Variants in ABCC4 observed in about 807,000 individuals in gnomAD.
The protein encoded by ABCC4 is ATP-binding cassette sub-family C member 4.
ABCC4 carries 102 observed loss-of-function variants against 168.5 expected under a neutral mutation model. The observed-to-expected ratio is 0.61, with a 90% CI of 0.52 to 0.71. The LOEUF (loss-of-function observed/expected upper bound fraction) is 0.71, where lower values mean the gene tolerates loss of function less well. Ranked by LOEUF, ABCC4 falls within the 30% of genes least tolerant of loss-of-function variation. The pLI is 0.00. For missense variants in ABCC4, 1,402 were observed against 1,605.8 expected, an observed-to-expected ratio of 0.87 and a Z score of 2.17; for synonymous variants, 617 against 590.7, an observed-to-expected ratio of 1.04 and a Z score of -0.65.
chr13:95,221,206 C>T (rs960588890), intron 4 of ABCC4, among the ~76,000 whole-genome samples: 1 of 152,126 alleles, frequency 6.6e-6, no homozygotes, highest in Non-Finnish European at 1.5e-5. Context: ...AGCCACCATG[C>T]CTTGCAAAAA....
chr13:95,249,025 A>G lies in ABCC4; in HGVS notation c.75-1272T>C, dbSNP rs190116037. On this transcript the variant is annotated intron_variant, in intron 1 of 30. Coordinates refer to ENST00000645237, the MANE Select transcript of ABCC4 (RefSeq NM_005845.5). ...CACTGCACTCCAGTCTGGGCAACAG[A>G]GTGAGACTATCTCAAAACAATAAAA... is the stretch of plus-strand genomic sequence containing the variant. Among the ~76,000 whole-genome samples, 447 of 152,306 alleles carry G rather than the reference A, an allele frequency of 2.9e-3. 5 individuals carry two copies. Among genetic ancestry groups the G allele is most frequent in the African/African-American group, 0.01 (433 of 41,542 alleles).
intron 19 of ABCC4, among the ~76,000 whole-genome samples, chr13:95,153,409 G>A (rs2036754242): frequency 6.6e-6 from 1 of 152,146 alleles, no homozygotes; most frequent in South Asian, 2.1e-4. Context: ...TAATGGGGGG[G>A]CGTTAAAACC....
chr13:95,087,156 G>A (rs1022351103), intron 20 of ABCC4, among the ~76,000 whole-genome samples: 2 of 152,102 alleles, frequency 1.3e-5, no homozygotes, highest in Non-Finnish European at 2.9e-5. Flanking sequence ...TACTGATAGG[G>A]TGGCAGAAGA....
At chr13:95,123,246 C>T (rs2035638728) in intron 19 of ABCC4, among the ~76,000 whole-genome samples, 1 of 152,330 alleles carries the variant, frequency 6.6e-6, no homozygotes, top group Non-Finnish European at 1.5e-5. Flanking sequence ...TCCTTTCCTG[C>T]TGCTCACCCA....
chr13:95,054,021 CTTTTTTTTTTTTTT>C lies in ABCC4; in HGVS notation c.3367-851_3367-838del, dbSNP rs55980425. The C allele has an allele frequency of 3.7e-3, 264 of 71,588 alleles. 1 individual carries two copies. Among genetic ancestry groups the C allele is most frequent in the African/African-American group, 0.018 (251 of 13,734 alleles). 4.4% of individuals were successfully genotyped at this position (71,588 alleles called of 1,614,324 possible). On this transcript the variant is annotated intron_variant, in intron 26 of 30. Coordinates refer to ENST00000645237, the MANE Select transcript of ABCC4 (RefSeq NM_005845.5). ...CTCTCCAATGTCAGAATGGGACATC[CTTTTTTTTTTTTTT>C]TTTTTTTTTTTTTTTTTTTTTTTTT...
intron 8 of ABCC4, among the ~76,000 whole-genome samples, chr13:95,201,643 C>G (rs1008487020): frequency 6.6e-6 from 1 of 152,034 alleles, no homozygotes; most frequent in Admixed American, 6.6e-5. Flanking sequence ...GACAAAGTCA[C>G]GTATGGAGAG....
At chr13:95,039,392 A>T (rs2032262313) in intron 29 of ABCC4, among the ~76,000 whole-genome samples, 1 of 152,124 alleles carries the variant, frequency 6.6e-6, no homozygotes, top group Admixed American at 6.6e-5. Context: ...AAATAAAGTG[A>T]CTCTGAATTT....
At chr13:95,272,684 T>C (rs1415773238) in intron 1 of ABCC4, among the ~76,000 whole-genome samples, 2 of 151,952 alleles carry the variant, frequency 1.3e-5, no homozygotes, top group East Asian at 3.9e-4. Flanking sequence ...GGTCAGGAGT[T>C]TGAGACCAGC....
At position 95,234,600 on chromosome 13, in the gene ABCC4, T is replaced by C. The variant is rs11568637; in HGVS notation, c.531+10A>G. On this transcript the variant is annotated intron_variant, in intron 4 of 30. Transcript: ENST00000645237. ...GGTGAGGTACATGTTTAATGCTGAA[T>C]GTCACTTACCTTCCGATAAATCATA... 8.2e-3 allele frequency: 13,232 copies of C among 1,607,928 alleles called. 267 individuals are homozygous for C. Among genetic ancestry groups the C allele is most frequent in the East Asian group, 0.06 (2,673 of 44,796 alleles).
At chr13:95,103,082 C>T (rs1242707440) in intron 20 of ABCC4, among the ~76,000 whole-genome samples, 7 of 151,332 alleles carry the variant, frequency 4.6e-5, no homozygotes, top group African/African-American at 1.7e-4. Context: ...CGGGCCAATA[C>T]GGTGAAACCC....
intron 26 of ABCC4, among the ~76,000 whole-genome samples, chr13:95,057,246 A>AT (rs112402613): frequency 1.8e-3 from 261 of 148,068 alleles, no homozygotes; most frequent in African/African-American, 4.9e-3. Context: ...AGAATTCAGT[A>AT]TTTTTTTTTT....
chr13:95,081,395 T>C (rs2034091189), intron 21 of ABCC4, among the ~76,000 whole-genome samples: 1 of 152,288 alleles, frequency 6.6e-6, no homozygotes, highest in African/African-American at 2.4e-5. Flanking sequence ...TCGAATAACT[T>C]CATTTCATGA....
intron 20 of ABCC4, among the ~76,000 whole-genome samples, chr13:95,110,080 G>A (rs1322428351): frequency 2.0e-5 from 3 of 152,036 alleles, no homozygotes; most frequent in Admixed American, 1.3e-4. Context: ...AGGCCGAGAC[G>A]GGCAGATCAC....
chr13:95,111,941 T>C (rs924232717), intron 20 of ABCC4, among the ~76,000 whole-genome samples: 2 of 152,172 alleles, frequency 1.3e-5, no homozygotes, highest in East Asian at 1.9e-4. Context: ...GCAAACTCAA[T>C]TGGAAACAGT....
chr13:95,111,400 T>A (rs1334685854), intron 20 of ABCC4, among the ~76,000 whole-genome samples: 2 of 152,260 alleles, frequency 1.3e-5, no homozygotes, highest in Admixed American at 1.3e-4. Context: ...ACTGTTCATT[T>A]GTATTCTATA....
intron 9 of ABCC4, among the ~76,000 whole-genome samples, chr13:95,192,422 T>C (rs1230392137): frequency 6.6e-6 from 1 of 152,080 alleles, no homozygotes; most frequent in Non-Finnish European, 1.5e-5. Context: ...CTGTTTACAA[T>C]GCAGCTGTCA....
At chr13:95,259,380 C>CAAAA (rs11462774) in intron 1 of ABCC4, among the ~76,000 whole-genome samples, 1 of 128,306 alleles carries the variant, frequency 7.8e-6, no homozygotes, top group Non-Finnish European at 1.7e-5. Flanking sequence ...AACTCCGTCT[C>CAAAA]AAAAAAAAAA....
chr13:95,122,361 C>T (rs1392140481), intron 19 of ABCC4, among the ~76,000 whole-genome samples: 1 of 152,212 alleles, frequency 6.6e-6, no homozygotes, highest in Non-Finnish European at 1.5e-5. Context: ...CCACGCCTAA[C>T]TTCTCAAACC....
intron 23 of ABCC4, 109 bp from the exon 24 acceptor site, chr13:95,073,413 T>C (rs902734259): frequency 6.1e-6 from 4 of 656,340 alleles, no homozygotes; most frequent in Non-Finnish European, 1.0e-5. Flanking sequence ...ACAATTCACA[T>C]TTAATGACAT....
Sources: gnomAD v4.1 joint callset for allele counts (sites outside exome capture counted in the v4.1 genomes callset) on GRCh38, gnomAD v4.1.1 for gene constraint, MANE v1.5 for transcripts, NCBI Gene and HGNC (gene_info 2026-07-23, HGNC 2026-07-21) for gene names.